DTX3: variants seen among roughly 807,000 people sequenced by gnomAD.
DTX3 encodes deltex E3 ubiquitin ligase 3.
DTX3 carries 10 observed loss-of-function variants against 27.4 expected under a neutral mutation model. The ratio of observed to expected loss-of-function variants is 0.36; its 90% CI spans 0.22 to 0.62. DTX3 has a LOEUF of 0.62. Ranked by LOEUF, DTX3 falls within the 20% of genes least tolerant of loss-of-function variation. The pLI is 0.68. For missense variants in DTX3, 319 were observed against 463.8 expected (o/e 0.69, Z 2.87); for synonymous variants, 171 against 190.7 (o/e 0.90, Z 0.85).
rs141940051 is a variant in DTX3 at position 57,609,699 on chromosome 12, C to T, written c.*547C>T. On this transcript the variant is annotated 3_prime_UTR_variant, in exon 7 of 7. Transcript: ENST00000337737. Reference sequence around the variant, plus strand: ...CAGTCTCCGTCAGTCTGTCTTTCTCCGCTCTTCTCTGACCCCTGTGAGGAA... The same window carrying T: ...CAGTCTCCGTCAGTCTGTCTTTCTCTGCTCTTCTCTGACCCCTGTGAGGAA... 167 of 163,156 alleles carry T rather than the reference C, an allele frequency of 1.0e-3. 1 individual carries two copies. Among genetic ancestry groups the T allele is most frequent in the African/African-American group, 3.6e-3 (150 of 41,778 alleles). The allele number at this position is 163,156 out of a possible 1,614,324, so 10.1% of individuals were successfully genotyped here.
At chr12:57,606,289 T>G (rs75051978) in intron 3 of DTX3, 37 bp downstream of exon 3, 7,992 of 591,042 alleles carry the variant, frequency 0.014, 101 homozygotes, top group East Asian at 0.034. Flanking sequence ...TTTTCACCCT[T>G]AAACTGGTTT....
chr12:57,609,405 T>C lies in DTX3; in HGVS notation c.*253T>C. The C allele has an allele frequency of 1.9e-6, 1 of 514,500 alleles. No individual in the cohort carries two copies. The highest frequency in any genetic ancestry group is 3.2e-5 in the Admixed American group (1 of 31,144). The allele number at this position is 514,500 out of a possible 1,614,324, so 31.9% of individuals were successfully genotyped here. A position where few individuals can be genotyped will look rare whatever the true frequency, so the allele number is the denominator to read the frequency against. ...CTCTGTTCTCCCCTCCCCGTGTACA[T>C]ATACTCCCGGTTTCCCTGCCCCTCC... is the stretch of plus-strand genomic sequence containing the variant. On this transcript the variant is annotated 3_prime_UTR_variant, in exon 7 of 7. Coordinates refer to ENST00000337737, the MANE Select transcript of DTX3 (RefSeq NM_178502.4).
At position 57,607,121 on chromosome 12, in the gene DTX3, A is replaced by G; in HGVS notation, c.258A>G (p.Leu86=). The G allele has an allele frequency of 1.2e-6, 2 of 1,614,192 alleles. No homozygotes were observed. Among genetic ancestry groups the G allele is most frequent in the Non-Finnish European group, 1.7e-6 (2 of 1,180,032 alleles). Residue 86 remains leucine (L), a synonymous_variant, in exon 5 of 7, where the codon CTA becomes CTG. Coordinates refer to ENST00000337737, the MANE Select transcript of DTX3 (RefSeq NM_178502.4). The surrounding 1 kb of genome is among the most constrained non-coding windows in gnomAD (Gnocchi z 7.7). ...CCCGGAAGGCTCTCAAGGGGCTGCTAAAAGAGGCAGAGAAAGAGCTGAAGA... is the reference window on the plus strand; with the variant it reads ...CCCGGAAGGCTCTCAAGGGGCTGCTGAAAGAGGCAGAGAAAGAGCTGAAGA... ...YLARKALKGL[L]KEAEKELKKA... is the part of the protein sequence containing the mutation.
At position 57,608,431 on chromosome 12, in the gene DTX3, C is replaced by CAG; in HGVS notation, c.751-85_751-84dup. 8.1e-7 allele frequency: 1 copy of CAG among 1,233,918 alleles called. No individual in the cohort carries two copies. The highest frequency in any genetic ancestry group is 2.4e-4 in the Middle Eastern group (1 of 4,160). 76.4% of individuals were successfully genotyped at this position (1,233,918 alleles called of 1,614,324 possible). On this transcript the variant is annotated intron_variant, in intron 5 of 6. Coordinates refer to ENST00000337737, the MANE Select transcript of DTX3 (RefSeq NM_178502.4). This position sits in a 1 kb window ranked among gnomAD's most constrained non-coding sequence, Gnocchi z 6.1. Reference sequence around the variant, plus strand: ...TTCGCATTAGCTGGGGGTGCTCAGACAGAGACTAGCCTGGATGACCCTCCT... The same window carrying CAG: ...TTCGCATTAGCTGGGGGTGCTCAGACAGAGAGACTAGCCTGGATGACCCTCCT...
Position 57,609,310 on chromosome 12 carries a change from C to G in DTX3, c.*158C>G. ...AGAGGGAGGGGGCAATCCCTTCCCCCATCCCCCACTGGCCAAGTGTTTCAA... is the reference window on the plus strand; with the variant it reads ...AGAGGGAGGGGGCAATCCCTTCCCCGATCCCCCACTGGCCAAGTGTTTCAA... On this transcript the variant is annotated 3_prime_UTR_variant, in exon 7 of 7. Transcript: ENST00000337737. 1.5e-6 allele frequency: 1 copy of G among 668,944 alleles called. No homozygotes were observed. Among genetic ancestry groups the G allele is most frequent in the Non-Finnish European group, 2.6e-6 (1 of 381,850 alleles). The allele number at this position is 668,944 out of a possible 1,614,324, so 41.4% of individuals were successfully genotyped here.
rs1883905703 is a variant in DTX3, at chr12:57,609,231, C to A, written c.*79C>A. 13 of 1,326,424 alleles carry A rather than the reference C, an allele frequency of 9.8e-6. No homozygotes were observed. The South Asian group carries it at 1.6e-4, about 16-fold the overall frequency. 82.2% of individuals were successfully genotyped at this position (1,326,424 alleles called of 1,614,324 possible). A position where few individuals can be genotyped will look rare whatever the true frequency, so the allele number is the denominator to read the frequency against. ...GAAGCCTCTTTCTCCTCTCTGCCCC[C>A]TGCCCCCCACACCACACCTGTAGGG... On this transcript the variant is annotated 3_prime_UTR_variant, in exon 7 of 7. Transcript: ENST00000337737.
At position 57,607,001 on chromosome 12, in the gene DTX3, G is replaced by A. The variant is rs939330934; in HGVS notation, c.138G>A (p.Val46=). 27 of 1,614,196 alleles carry A rather than the reference G, an allele frequency of 1.7e-5. No individual in the cohort carries two copies. Among genetic ancestry groups the A allele is most frequent in the Non-Finnish European group, 2.1e-5 (25 of 1,180,032 alleles). Residue 46 remains valine (V), a synonymous_variant, in exon 5 of 7, where the codon GTG becomes GTA. Coordinates refer to ENST00000337737, the MANE Select transcript of DTX3 (RefSeq NM_178502.4). This position sits in a 1 kb window ranked among gnomAD's most constrained non-coding sequence, Gnocchi z 7.7. The stretch of plus-strand genomic sequence containing the variant: ...CCCGGCTTCGGGAGGAGCACCGTGT[G>A]TCCATCCTCATAGATGGCGAGACTT... The part of the protein sequence containing the change: ...RLARLREEHR[V]SILIDGETSD...
intron 1 of DTX3, chr12:57,605,165 G>C (rs1790695237): frequency 6.6e-6 from 1 of 152,584 alleles, no homozygotes; most frequent in South Asian, 2.1e-4. Flanking sequence ...GGAGGCCGTG[G>C]GGGGAGGGCG....
In DTX3 at chr12:57,607,756, T is replaced by C; in HGVS notation, c.750+143T>C. ...GCCCTCCTACTCAGTGCCCTGGACCTAGGAGGTCCCCGTGAGGCCCAGCCT... is the reference window on the plus strand; with the variant it reads ...GCCCTCCTACTCAGTGCCCTGGACCCAGGAGGTCCCCGTGAGGCCCAGCCT... On this transcript the variant is annotated intron_variant, in intron 5 of 6. Coordinates refer to ENST00000337737, the MANE Select transcript of DTX3 (RefSeq NM_178502.4). The surrounding 1 kb of genome is among the most constrained non-coding windows in gnomAD (Gnocchi z 7.7). 1 of 1,107,350 alleles carries C rather than the reference T, an allele frequency of 9.0e-7. No individual in the cohort carries two copies. 68.6% of individuals were successfully genotyped at this position (1,107,350 alleles called of 1,614,324 possible).
Position 57,608,910 on chromosome 12 carries a change from A to G in DTX3, c.969-167A>G. 1.9e-6 allele frequency: 2 copies of G among 1,065,498 alleles called. No homozygotes were observed. Among genetic ancestry groups the G allele is most frequent in the Non-Finnish European group, 2.8e-6 (2 of 706,116 alleles). 66.0% of individuals were successfully genotyped at this position (1,065,498 alleles called of 1,614,324 possible). On this transcript the variant is annotated intron_variant, in intron 6 of 6. Coordinates refer to ENST00000337737, the MANE Select transcript of DTX3 (RefSeq NM_178502.4). The surrounding 1 kb of genome is among the most constrained non-coding windows in gnomAD (Gnocchi z 6.1). ...AACCTGGTCCTGGTGTGCCCAGCTT[A>G]GCCTACAAAAATAAGCAGAACTGGG...
At position 57,609,360 on chromosome 12, in the gene DTX3, G is replaced by T; in HGVS notation, c.*208G>T. 3.4e-6 allele frequency: 2 copies of T among 581,898 alleles called. No individual in the cohort carries two copies. The highest frequency in any genetic ancestry group is 6.2e-6 in the Non-Finnish European group (2 of 324,936). 36.0% of individuals were successfully genotyped at this position (581,898 alleles called of 1,614,324 possible). A position where few individuals can be genotyped will look rare whatever the true frequency, so the allele number is the denominator to read the frequency against. ...ATGCAGTGTGAGCCACTCCCTTCTG[G>T]CAGAGGCCGACCTCCAAGGCTCTGT... On this transcript the variant is annotated 3_prime_UTR_variant, in exon 7 of 7. Transcript: ENST00000337737.
At position 57,607,234 on chromosome 12, in the gene DTX3, C is replaced by T. The variant is rs750836009; in HGVS notation, c.371C>T (p.Pro124Leu). 1 of 1,605,730 alleles carries T rather than the reference C, an allele frequency of 6.2e-7. No individual in the cohort carries two copies. The highest frequency in any genetic ancestry group is 1.7e-5 in the Admixed American group (1 of 59,488). Residue 124 changes from proline to leucine, a missense_variant, in exon 5 of 7, where the codon CCT (proline) becomes CTT (leucine). Around this residue, in one of 2 missense-constraint regions of DTX3, gnomAD observed 202 missense variants for 205.3 expected, o/e 0.98. Transcript: ENST00000337737. This position sits in a 1 kb window ranked among gnomAD's most constrained non-coding sequence, Gnocchi z 7.7. ...GAGATGCACCGCGCAGGCCCACCCC[C>T]TCTCCGAGCAGCCCCACTTCTGCCC... ...HPEMHRAGPPPLRAAPLLPPG... is the reference protein window; with the variant it reads ...HPEMHRAGPPLLRAAPLLPPG...
At position 57,609,363 on chromosome 12, in the gene DTX3, G is replaced by A. The variant is rs1883914830; in HGVS notation, c.*211G>A. ...CAGTGTGAGCCACTCCCTTCTGGCAGAGGCCGACCTCCAAGGCTCTGTTCT... is the reference window on the plus strand; with the variant it reads ...CAGTGTGAGCCACTCCCTTCTGGCAAAGGCCGACCTCCAAGGCTCTGTTCT... On this transcript the variant is annotated 3_prime_UTR_variant, in exon 7 of 7. Transcript: ENST00000337737. 2 of 581,984 alleles carry A rather than the reference G, an allele frequency of 3.4e-6. No individual in the cohort carries two copies. The highest frequency in any genetic ancestry group is 3.0e-5 in the Admixed American group (1 of 33,666). The allele number at this position is 581,984 out of a possible 1,614,324, so 36.1% of individuals were successfully genotyped here. A position where few individuals can be genotyped will look rare whatever the true frequency, so the allele number is the denominator to read the frequency against.
chr12:57,606,449 C>G lies in DTX3; in HGVS notation c.-69C>G, dbSNP rs768806767. On this transcript the variant is annotated 5_prime_UTR_variant, in exon 4 of 7. Transcript: ENST00000337737. ...CATTTTTCCGCCCTACCAGGTCACACGACCTACAAGTAGGGAGCAGGGAAA... is the reference window on the plus strand; with the variant it reads ...CATTTTTCCGCCCTACCAGGTCACAGGACCTACAAGTAGGGAGCAGGGAAA... 1.9e-6 allele frequency: 3 copies of G among 1,610,812 alleles called. No homozygotes were observed. Among genetic ancestry groups the G allele is most frequent in the Non-Finnish European group, 2.5e-6 (3 of 1,178,764 alleles).
chr12:57,609,520 T>C lies in DTX3; in HGVS notation c.*368T>C. On this transcript the variant is annotated 3_prime_UTR_variant, in exon 7 of 7. Transcript: ENST00000337737. Reference sequence around the variant, plus strand: ...GGGGAAGGGAGGGTCTCTTGATTCCTAACCGCCCCCACATACTGCTCCACC... The same window carrying C: ...GGGGAAGGGAGGGTCTCTTGATTCCCAACCGCCCCCACATACTGCTCCACC... 1 of 224,102 alleles carries C rather than the reference T, an allele frequency of 4.5e-6. No homozygotes were observed. The highest frequency in any genetic ancestry group is 4.9e-5 in the Admixed American group (1 of 20,324). 13.9% of individuals were successfully genotyped at this position (224,102 alleles called of 1,614,324 possible).
In DTX3 at chr12:57,606,673, C is replaced by A. The variant is rs1372886844; in HGVS notation, c.1+155C>A. 3.0e-6 allele frequency: 4 copies of A among 1,337,858 alleles called. No individual in the cohort carries two copies. The African/African-American group carries it at 5.9e-5, about 20-fold the overall frequency. The allele number at this position is 1,337,858 out of a possible 1,614,324, so 82.9% of individuals were successfully genotyped here. On this transcript the variant is annotated intron_variant, in intron 4 of 6. Transcript: ENST00000337737. ...TTAGATGATAATATAGCTCTGGAAACTTTTTTGCTCTTCAGTGGGTTTTGG... is the reference window on the plus strand; with the variant it reads ...TTAGATGATAATATAGCTCTGGAAAATTTTTTGCTCTTCAGTGGGTTTTGG...
intron 3 of DTX3, 34 bp downstream of exon 3, chr12:57,606,286 C>G (rs1883714452): frequency 1.7e-6 from 1 of 581,926 alleles, no homozygotes; most frequent in Admixed American, 3.3e-5. Flanking sequence ...CAATTTTCAC[C>G]CTTAAACTGG....
At chr12:57,606,363 TCCATGGG>T (rs1883718501) in intron 3 of DTX3, 73 bp from the exon 4 acceptor site, 4 of 1,113,388 alleles carry the variant, frequency 3.6e-6, no homozygotes, top group Non-Finnish European at 3.9e-6. Flanking sequence ...CTGTCTCTGT[TCCATGGG>T]CTGCTGGGTT....
At position 57,606,691 on chromosome 12, in the gene DTX3, G is replaced by C. The variant is rs1883736598; in HGVS notation, c.1+173G>C. 5 of 1,341,376 alleles carry C rather than the reference G, an allele frequency of 3.7e-6. No homozygotes were observed. The East Asian group carries it at 9.4e-5, about 25-fold the overall frequency. The allele number at this position is 1,341,376 out of a possible 1,614,324, so 83.1% of individuals were successfully genotyped here. A position where few individuals can be genotyped will look rare whatever the true frequency, so the allele number is the denominator to read the frequency against. On this transcript the variant is annotated intron_variant, in intron 4 of 6. Coordinates refer to ENST00000337737, the MANE Select transcript of DTX3 (RefSeq NM_178502.4). ...CTGGAAACTTTTTTGCTCTTCAGTG[G>C]GTTTTGGGTTTGGAAGATAAGGGGA... is the stretch of plus-strand genomic sequence containing the variant.
Sources: allele counts gnomAD v4.1 joint callset, GRCh38; gene constraint gnomAD v4.1.1; regional missense constraint gnomAD v4.1.1; non-coding constraint Gnocchi (gnomAD v3.1); transcripts MANE v1.5; gene names NCBI Gene and HGNC (gene_info 2026-07-23, HGNC 2026-07-21).